PTPN5: variants seen among roughly 807,000 people sequenced by gnomAD.
PTPN5 encodes the protein protein tyrosine phosphatase non-receptor type 5.
Under a neutral mutation model 73.9 loss-of-function variants are expected in PTPN5, and 29 were observed. The observed-to-expected ratio is 0.39, with a 90% CI of 0.29 to 0.54. PTPN5 has a LOEUF of 0.54. Ranked by LOEUF, PTPN5 falls within the 20% of genes least tolerant of loss-of-function variation. The pLI, the probability that PTPN5 is intolerant of heterozygous loss-of-function variation, is 0.65. For synonymous variants in PTPN5, 267 were observed against 304.7 expected, an observed-to-expected ratio of 0.88 and a Z score of 1.29; for missense variants, 652 against 751.4, an observed-to-expected ratio of 0.87 and a Z score of 1.55.
intron 2 of PTPN5, 46 bp from the exon 3 acceptor site, chr11:18,765,929 C>G (rs201779988): frequency 7.1e-7 from 1 of 1,402,440 alleles, no homozygotes; most frequent in African/African-American, 1.4e-5. Flanking sequence ...GAGCCAGGAT[C>G]AAGACAAAAA....
chr11:18,768,761 C>A (rs1850746496), intron 2 of PTPN5, among the ~76,000 whole-genome samples: 1 of 152,246 alleles, frequency 6.6e-6, no homozygotes, highest in Non-Finnish European at 1.5e-5. Flanking sequence ...CAACCCCAGC[C>A]ACAGCCTGCG....
chr11:18,758,144 T>A (rs373487231), intron 3 of PTPN5, among the ~76,000 whole-genome samples: 4 of 152,200 alleles, frequency 2.6e-5, no homozygotes, highest in Non-Finnish European at 2.9e-5. Context: ...GATGTGCTGG[T>A]GGATGAAGGA....
At chr11:18,766,639 G>T (rs1850657192) in intron 2 of PTPN5, among the ~76,000 whole-genome samples, 1 of 152,188 alleles carries the variant, frequency 6.6e-6, no homozygotes, top group South Asian at 2.1e-4. Context: ...TACCTGGCAA[G>T]CTGGAAAAAT....
chr11:18,740,872 TGAGG>T (rs1349526610), intron 7 of PTPN5, 80 bp from the exon 8 acceptor site: 2 of 926,126 alleles, frequency 2.2e-6, no homozygotes, highest in Non-Finnish European at 1.5e-6. Flanking sequence ...GCTGGGAAAA[TGAGG>T]GAGGGAGAGA....
At chr11:18,740,922 TG>T (rs1590507143) in intron 7 of PTPN5, 130 bp from the exon 8 acceptor site, 1 of 495,032 alleles carries the variant, frequency 2.0e-6, no homozygotes, top group East Asian at 3.5e-5. Context: ...GGAAGAGGAG[TG>T]GGAGTGTGAC....
intron 3 of PTPN5, among the ~76,000 whole-genome samples, chr11:18,755,032 AG>A (rs1850065911): frequency 1.3e-5 from 2 of 152,218 alleles, no homozygotes; most frequent in Non-Finnish European, 2.9e-5. Context: ...CTCTAGGATT[AG>A]GTCCTAAGAG....
chr11:18,756,294 CTTTTTT>C (rs552226983), intron 3 of PTPN5, among the ~76,000 whole-genome samples: 6 of 111,028 alleles, frequency 5.4e-5, no homozygotes, highest in Admixed American at 2.1e-4. Context: ...ACATCCTTCA[CTTTTTT>C]TTTTTTTTTT....
intron 12 of PTPN5, 71 bp downstream of exon 12, chr11:18,732,521 T>C (rs1848926435): frequency 8.8e-7 from 1 of 1,135,774 alleles, no homozygotes; most frequent in Admixed American, 1.8e-5. Context: ...GGGGGACCTG[T>C]TCTCTGTGGA....
intron 9 of PTPN5, among the ~76,000 whole-genome samples, chr11:18,734,928 C>A (rs1590487150): frequency 6.6e-6 from 1 of 152,300 alleles, no homozygotes; most frequent in East Asian, 1.9e-4. Flanking sequence ...CACCGCTGAG[C>A]CAGAGAGGCT....
At chr11:18,753,374 A>T (rs1441376367) in intron 3 of PTPN5, among the ~76,000 whole-genome samples, 1 of 152,220 alleles carries the variant, frequency 6.6e-6, no homozygotes, top group East Asian at 1.9e-4. Flanking sequence ...GAGTGGGACT[A>T]GGGGTCTTTT....
chr11:18,746,120 T>C (rs1401294781), intron 3 of PTPN5, among the ~76,000 whole-genome samples: 1 of 144,482 alleles, frequency 6.9e-6, no homozygotes, highest in Non-Finnish European at 1.5e-5. Flanking sequence ...GCCTGATAAA[T>C]GGAGATAATA....
At chr11:18,765,515 T>G (rs1049819070) in intron 3 of PTPN5, among the ~76,000 whole-genome samples, 4 of 152,110 alleles carry the variant, frequency 2.6e-5, no homozygotes, top group African/African-American at 9.7e-5. Flanking sequence ...GGTCATTCCC[T>G]AGGAGCCCTG....
intron 3 of PTPN5, among the ~76,000 whole-genome samples, chr11:18,750,603 G>A (rs1289735630): frequency 6.6e-6 from 1 of 152,194 alleles, no homozygotes; most frequent in Non-Finnish European, 1.5e-5. Context: ...CGATATAGGA[G>A]CGGTATGGGT....
intron 3 of PTPN5, among the ~76,000 whole-genome samples, chr11:18,746,195 A>ATATATATATATATATTT (rs377606416): frequency 8.8e-6 from 1 of 114,038 alleles, no homozygotes; most frequent in Non-Finnish European, 1.8e-5. Context: ...ATATATATAC[A>ATATATATATATATATTT]TTTTTTTTTT....
At chr11:18,746,164 T>TAA (rs1423765688) in intron 3 of PTPN5, among the ~76,000 whole-genome samples, 26 of 64,498 alleles carry the variant, frequency 4.0e-4, no homozygotes, top group Non-Finnish European at 6.3e-4. Flanking sequence ...TAAATATAAA[T>TAA]ATATATATAT....
At chr11:18,791,800 C>A (rs979536018), upstream of PTPN5, 1 of 152,120 alleles carries the variant, frequency 6.6e-6, no homozygotes, top group South Asian at 2.1e-4. Flanking sequence ...TGCAGAGTCG[C>A]TGGCGCAGCC....
At chr11:18,734,488 AT>A (rs1441989804) in intron 9 of PTPN5, among the ~76,000 whole-genome samples, 2 of 151,770 alleles carry the variant, frequency 1.3e-5, no homozygotes, top group East Asian at 1.9e-4. Context: ...GGCTAAATTT[AT>A]TTTTTTATTT....
At chr11:18,785,042 C>T (rs1851607524) in intron 1 of PTPN5, among the ~76,000 whole-genome samples, 1 of 151,988 alleles carries the variant, frequency 6.6e-6, no homozygotes, top group South Asian at 2.1e-4. Context: ...TTACTAGGGA[C>T]AGAGTTTCAC....
intron 1 of PTPN5, among the ~76,000 whole-genome samples, chr11:18,780,346 C>T (rs913715320): frequency 1.3e-5 from 2 of 152,202 alleles, no homozygotes; most frequent in African/African-American, 4.8e-5. Flanking sequence ...CCTCCTCTGC[C>T]ATGACATCCG....
Sources: allele counts gnomAD v4.1 joint callset (sites outside exome capture counted in the v4.1 genomes callset), GRCh38; gene constraint gnomAD v4.1.1; transcripts MANE v1.5; gene names NCBI Gene and HGNC (gene_info 2026-07-23, HGNC 2026-07-21).